CATSPERE: variants seen among roughly 807,000 people sequenced by gnomAD.
CATSPERE encodes cation channel sperm-associated auxiliary subunit epsilon.
A neutral mutation model predicts 114.1 loss-of-function variants in CATSPERE; 93 were observed. That is an observed-to-expected ratio of 0.81 (90% CI 0.69 to 0.97). The LOEUF (loss-of-function observed/expected upper bound fraction) is 0.97. Among genes scored for constraint, CATSPERE ranks in the 50% least tolerant of loss-of-function variants. CATSPERE has a pLI of 0.00. For synonymous variants in CATSPERE, 341 were observed against 384.1 expected, an observed-to-expected ratio of 0.89 and a Z score of 1.31; for missense variants, 1,058 against 1,131.6, an observed-to-expected ratio of 0.93 and a Z score of 0.93.
At chr1:244,535,464 A>C (rs1680246587) in intron 8 of CATSPERE, among the ~76,000 whole-genome samples, 1 of 152,196 alleles carries the variant, frequency 6.6e-6, no homozygotes, top group South Asian at 2.1e-4. Context: ...ACTGGCACTC[A>C]AACCACAAGA....
chr1:244,572,622 C>A lies in CATSPERE; in HGVS notation c.1800C>A (p.Asp600Glu). The A allele has an allele frequency of 6.2e-7, 1 of 1,614,014 alleles. No individual in the cohort carries two copies. The highest frequency in any genetic ancestry group is 2.2e-5 in the East Asian group (1 of 44,856). The part of the protein sequence containing the change: ...NNVAHVFYFL[D>E]KGEALTVWTQ... ...TTGCTCATGTTTTTTACTTTTTGGA[C>A]AAGGGAGAGGCTCTGACAGTTTGGA... is the stretch of plus-strand genomic sequence containing the variant. Residue 600 changes from aspartate (D) to glutamate (E), a missense_variant, in exon 11 of 22, where the codon GAC (aspartate) becomes GAA (glutamate). By Grantham distance (45) the Asp-to-Glu change is conservative. Transcript: ENST00000366534.
At chr1:244,495,842 G>T (rs1672996274) in intron 6 of CATSPERE, among the ~76,000 whole-genome samples, 1 of 152,152 alleles carries the variant, frequency 6.6e-6, no homozygotes, top group African/African-American at 2.4e-5. Context: ...TTTTGGGGCT[G>T]TAAACAGATA....
At chr1:244,569,895 A>C (rs1331842893) in intron 10 of CATSPERE, among the ~76,000 whole-genome samples, 3 of 152,184 alleles carry the variant, frequency 2.0e-5, no homozygotes, top group African/African-American at 7.2e-5. Context: ...TATATCCTTA[A>C]TCACCTAACA....
In CATSPERE at chr1:244,633,756, C is replaced by T. The variant is rs182472352; in HGVS notation, c.2649-1733C>T. Among the ~76,000 whole-genome samples the T allele has an allele frequency of 7.2e-5, 11 of 152,242 alleles. No homozygotes were observed. The highest frequency in any genetic ancestry group is 3.9e-4 in the East Asian group (2 of 5,186). On this transcript the variant is annotated intron_variant, in intron 20 of 21. Coordinates refer to ENST00000366534, the MANE Select transcript of CATSPERE (RefSeq NM_001130957.2). The surrounding 1 kb of genome is among the most constrained non-coding windows in gnomAD (Gnocchi z 4.1). ...AAACCTTTGCTCATCTCTCCCTACA[C>T]CTGGAATGCCCTAACCCTTCATCCT... is the stretch of plus-strand genomic sequence containing the variant.
rs542174841 is a variant in CATSPERE, at chr1:244,607,647, A to T, written c.2403+1853A>T. ...CGTGAACCTTCACGCTTTCCATCATACCTCACATCAGTGTATTACAGCAAC... is the reference window on the plus strand; with the variant it reads ...CGTGAACCTTCACGCTTTCCATCATTCCTCACATCAGTGTATTACAGCAAC... On this transcript the variant is annotated intron_variant, in intron 18 of 21. Transcript: ENST00000366534. This position sits in a 1 kb window ranked among gnomAD's most constrained non-coding sequence, Gnocchi z 4.4. Among the ~76,000 whole-genome samples, 158 of 152,300 alleles carry T rather than the reference A, an allele frequency of 1.0e-3. No homozygotes were observed. The highest frequency in any genetic ancestry group is 3.5e-3 in the African/African-American group (147 of 41,562).
chr1:244,603,611 G>A (rs1045782600), intron 17 of CATSPERE, among the ~76,000 whole-genome samples: 11 of 151,772 alleles, frequency 7.2e-5, no homozygotes, highest in Non-Finnish European at 4.4e-5. Context: ...GCCACTAGAT[G>A]GCACTGTAGC....
At chr1:244,489,365 T>G (rs1450412302) in intron 5 of CATSPERE, among the ~76,000 whole-genome samples, 3 of 151,400 alleles carry the variant, frequency 2.0e-5, no homozygotes, top group South Asian at 2.1e-4. Flanking sequence ...GGGTTTTTTA[T>G]GCAGAATGAC....
rs559897260 is a variant in CATSPERE at position 244,634,854 on chromosome 1, T to C, written c.2649-635T>C. On this transcript the variant is annotated intron_variant, in intron 20 of 21. Transcript: ENST00000366534. ...AGCAATGCTCAATTAGTATTCATTT[T>C]CTTTTTTTGAGATGGAGTCTCACTC... is the stretch of plus-strand genomic sequence containing the variant. Among the ~76,000 whole-genome samples the C allele has an allele frequency of 9.8e-5, 15 of 152,374 alleles. No individual in the cohort carries two copies. In the South Asian group the frequency reaches 2.9e-3, roughly 29 times the overall value.
At chr1:244,555,107 C>T (rs569702853) in intron 9 of CATSPERE, among the ~76,000 whole-genome samples, 1 of 152,208 alleles carries the variant, frequency 6.6e-6, no homozygotes, top group African/African-American at 2.4e-5. Context: ...AACAAACTGG[C>T]CAGGCACAGT....
intron 17 of CATSPERE, among the ~76,000 whole-genome samples, chr1:244,594,507 G>A (rs1208366211): frequency 1.3e-5 from 2 of 152,052 alleles, no homozygotes; most frequent in Non-Finnish European, 2.9e-5. Context: ...CGAGGTAAAC[G>A]ACTCACATTT....
intron 8 of CATSPERE, among the ~76,000 whole-genome samples, chr1:244,528,787 A>ACGCACG (rs57165279): frequency 7.7e-6 from 1 of 129,824 alleles, no homozygotes; most frequent in African/African-American, 2.9e-5. Flanking sequence ...ATCCCCCACC[A>ACGCACG]CACACACACA....
chr1:244,589,637 CAGG>C, intron 14 of CATSPERE, among the ~76,000 whole-genome samples: 1 of 152,238 alleles, frequency 6.6e-6, no homozygotes, highest in East Asian at 1.9e-4. Context: ...ACAAAATTTC[CAGG>C]AGATTACAAG....
At chr1:244,559,608 C>T (rs1206146410) in intron 9 of CATSPERE, among the ~76,000 whole-genome samples, 1 of 152,114 alleles carries the variant, frequency 6.6e-6, no homozygotes, top group Non-Finnish European at 1.5e-5. Context: ...AGCCTATATC[C>T]ATGAAAGGGT....
intron 8 of CATSPERE, among the ~76,000 whole-genome samples, chr1:244,540,116 C>G (rs1335565989): frequency 6.6e-6 from 1 of 151,128 alleles, no homozygotes; most frequent in Admixed American, 6.6e-5. Context: ...GATGCCCTCT[C>G]TCACCACTCC....
At chr1:244,542,730 C>T (rs1659055436) in intron 8 of CATSPERE, among the ~76,000 whole-genome samples, 1 of 152,118 alleles carries the variant, frequency 6.6e-6, no homozygotes, top group Non-Finnish European at 1.5e-5. Flanking sequence ...AAGATAAGCT[C>T]AGCCAATGCA....
At chr1:244,477,187 G>A (rs772981782) in intron 2 of CATSPERE, among the ~76,000 whole-genome samples, 1 of 152,052 alleles carries the variant, frequency 6.6e-6, no homozygotes, top group African/African-American at 2.4e-5. Context: ...GTAGAGACAG[G>A]GTTTCACCAT....
At chr1:244,544,289 A>G (rs1659372320) in intron 8 of CATSPERE, among the ~76,000 whole-genome samples, 1 of 152,210 alleles carries the variant, frequency 6.6e-6, no homozygotes, top group African/African-American at 2.4e-5. Context: ...CAGACATTTC[A>G]CAGATTACTG....
At chr1:244,621,299 A>AATATATTTATACAGATATATT (rs1672316870) in intron 20 of CATSPERE, among the ~76,000 whole-genome samples, 1 of 86,600 alleles carries the variant, frequency 1.2e-5, no homozygotes, top group Admixed American at 1.3e-4. Context: ...ATCTATATAA[A>AATATATTTATACAGATATATT]TATATAAATA....
intron 2 of CATSPERE, among the ~76,000 whole-genome samples, chr1:244,477,192 C>T (rs1669505676): frequency 6.6e-6 from 1 of 152,136 alleles, no homozygotes; most frequent in South Asian, 2.1e-4. Context: ...GACAGGGTTT[C>T]ACCATGTTGG....
Sources: allele counts gnomAD v4.1 joint callset (sites outside exome capture counted in the v4.1 genomes callset), GRCh38; gene constraint gnomAD v4.1.1; non-coding constraint Gnocchi (gnomAD v3.1); transcripts MANE v1.5; gene names NCBI Gene and HGNC (gene_info 2026-07-23, HGNC 2026-07-21).